The following PIP5K1B variants were observed in gnomAD, a reference collection of about 807,000 sequenced individuals.
PIP5K1B encodes phosphatidylinositol 4-phosphate 5-kinase type-1 beta.
Under a neutral mutation model 67.0 loss-of-function variants are expected in PIP5K1B, and 42 were observed. The observed-to-expected ratio is 0.63, with a 90% CI of 0.49 to 0.81. The LOEUF is 0.81. Ranked by LOEUF, PIP5K1B falls within the 30% of genes least tolerant of loss-of-function variation. The probability of loss-of-function intolerance (pLI) is 0.00; values close to 1 mark genes in which losing one functional copy is unlikely to be tolerated. For missense variants in PIP5K1B, 459 were observed against 646.3 expected (o/e 0.71, Z 3.14); for synonymous variants, 214 against 231.4 (o/e 0.92, Z 0.68).
At position 68,882,703 on chromosome 9, in the gene PIP5K1B, G is replaced by A. The variant is rs138062211; in HGVS notation, c.318+5909G>A. The stretch of plus-strand genomic sequence containing the variant: ...CACAACATAAACTCCTACCCATAAG[G>A]AAGTTCTGTGTCAGGAATTCAAATG... On this transcript the variant is annotated intron_variant, in intron 6 of 15. Transcript: ENST00000265382. Among the ~76,000 whole-genome samples, 425 of 152,210 alleles carry A rather than the reference G, an allele frequency of 2.8e-3. 1 individual carries two copies. The highest frequency in any genetic ancestry group is 9.3e-3 in the African/African-American group (388 of 41,524).
At position 68,923,154 on chromosome 9, in the gene PIP5K1B, C is replaced by T. The variant is rs115627457; in HGVS notation, c.1117-148C>T. 5.8e-4 allele frequency: 357 copies of T among 616,136 alleles called. 2 individuals are homozygous for T. In the African/African-American group the frequency reaches 5.8e-3, roughly 10 times the overall value. 38.2% of individuals were successfully genotyped at this position (616,136 alleles called of 1,614,324 possible). ...CTCAGCCCCAGACTCCTGGGCCCCA[C>T]GGGCTACAGGACATTCCTGTTTTCT... is the stretch of plus-strand genomic sequence containing the variant. On this transcript the variant is annotated intron_variant, in intron 11 of 15. Transcript: ENST00000265382.
chr9:68,848,423 C>G (rs7851905), intron 4 of PIP5K1B, among the ~76,000 whole-genome samples: 9,802 of 152,232 alleles, frequency 0.064, 650 homozygotes, highest in African/African-American at 0.17. Context: ...AGGTGTGTTT[C>G]TCAACCCCCA....
chr9:68,769,527 A>G (rs1830583928), intron 2 of PIP5K1B, among the ~76,000 whole-genome samples: 2 of 152,224 alleles, frequency 1.3e-5, no homozygotes, highest in Admixed American at 6.5e-5. Flanking sequence ...TGAAAGTATA[A>G]CTAGCTATTA....
intron 15 of PIP5K1B, among the ~76,000 whole-genome samples, chr9:69,002,230 C>T (rs1342536558): frequency 6.6e-6 from 1 of 152,238 alleles, no homozygotes; most frequent in African/African-American, 2.4e-5. Flanking sequence ...GGCGAAAGTC[C>T]TGCCTTCTGC....
chr9:68,915,189 T>G (rs1246024029), intron 8 of PIP5K1B, among the ~76,000 whole-genome samples: 1 of 151,992 alleles, frequency 6.6e-6, no homozygotes, highest in African/African-American at 2.4e-5. Flanking sequence ...GGTCACAGAG[T>G]CCATGCTCTT....
chr9:68,871,121 G>A (rs1823607557), intron 5 of PIP5K1B, among the ~76,000 whole-genome samples: 2 of 152,154 alleles, frequency 1.3e-5, no homozygotes, highest in South Asian at 4.1e-4. Flanking sequence ...ACATAGAGAG[G>A]AGAACACCAA....
chr9:68,887,290 A>G (rs1353904135), intron 6 of PIP5K1B, among the ~76,000 whole-genome samples: 2 of 152,222 alleles, frequency 1.3e-5, no homozygotes, highest in Non-Finnish European at 2.9e-5. Context: ...CAGATGCTCA[A>G]TAGTTATTTT....
intron 12 of PIP5K1B, among the ~76,000 whole-genome samples, chr9:68,929,413 T>G (rs111543385): frequency 6.6e-6 from 1 of 152,120 alleles, no homozygotes; most frequent in Non-Finnish European, 1.5e-5. Flanking sequence ...ATCTGCTCAT[T>G]CTCATATATC....
At chr9:68,879,176 G>C (rs1354448864) in intron 6 of PIP5K1B, among the ~76,000 whole-genome samples, 1 of 152,198 alleles carries the variant, frequency 6.6e-6, no homozygotes, top group Non-Finnish European at 1.5e-5. Flanking sequence ...GAGAATCCTT[G>C]TCTTTTAGAA....
Position 68,863,923 on chromosome 9 carries a change from T to A in PIP5K1B, c.156T>A (p.Val52=). Residue 52 remains valine (V), a synonymous_variant, in exon 5 of 16, where the codon GTT becomes GTA. Transcript: ENST00000265382. ...GNLTSKPERD[V]LMQDFYVVES... ...TCACTTCCAAGCCAGAACGAGATGT[T>A]CTTATGCAAGACTTTTATGTGGTGG... 6.2e-7 allele frequency: 1 copy of A among 1,613,982 alleles called. No individual in the cohort carries two copies. The highest frequency in any genetic ancestry group is 1.3e-5 in the African/African-American group (1 of 75,048).
intron 1 of PIP5K1B, among the ~76,000 whole-genome samples, chr9:68,717,440 C>T (rs1827687128): frequency 6.6e-6 from 1 of 152,076 alleles, no homozygotes; most frequent in African/African-American, 2.4e-5. Context: ...TTCAGGCTGT[C>T]ATAACAAAGT....
In PIP5K1B at chr9:68,894,505, C is replaced by T; in HGVS notation, c.638C>T (p.Ala213Val). Reference protein sequence around the residue: ...DLKGSTYKRRASRKEREKSNP... With the variant: ...DLKGSTYKRRVSRKEREKSNP... ...AAAGGCTCAACGTATAAGCGAAGAG[C>T]ATCCCGTAAAGAGAGAGAGAAATCC... is the stretch of plus-strand genomic sequence containing the variant. The change falls in exon 8 of 16, where the codon GCA becomes GTA. Residue 213 changes from alanine to valine, a missense_variant. Coordinates refer to ENST00000265382, the MANE Select transcript of PIP5K1B (RefSeq NM_003558.4). 1 of 1,614,104 alleles carries T rather than the reference C, an allele frequency of 6.2e-7. No individual in the cohort carries two copies. The highest frequency in any genetic ancestry group is 1.1e-5 in the South Asian group (1 of 91,086).
chr9:68,734,041 C>T (rs1266372811), intron 1 of PIP5K1B, among the ~76,000 whole-genome samples: 1 of 152,180 alleles, frequency 6.6e-6, no homozygotes, highest in Non-Finnish European at 1.5e-5. Flanking sequence ...AATTCTGGCT[C>T]TGCAACTTCC....
At chr9:68,713,059 G>A (rs774296124) in intron 1 of PIP5K1B, among the ~76,000 whole-genome samples, 13 of 152,208 alleles carry the variant, frequency 8.5e-5, no homozygotes, top group South Asian at 2.1e-4. Flanking sequence ...CTCTGAAAGT[G>A]CAGTCCTTAG....
rs777615037 is a variant in PIP5K1B at position 68,894,371 on chromosome 9, A to G, written c.504A>G (p.Pro168=). 1.2e-6 allele frequency: 2 copies of G among 1,607,646 alleles called. No individual in the cohort carries two copies. Among genetic ancestry groups the G allele is most frequent in the East Asian group, 2.2e-5 (1 of 44,818 alleles). Residue 168 remains proline, a synonymous_variant, in exon 8 of 16, where the codon CCA becomes CCG. Transcript: ENST00000265382. ...NLNQNPRTLL[P]KFYGLYCMQS... is the part of the protein sequence containing the mutation. ...ACCAGAATCCAAGGACTCTTTTGCC[A>G]AAATTTTACGGACTGTATTGTATGC...
chr9:68,726,253 C>T (rs1828144231), intron 1 of PIP5K1B, among the ~76,000 whole-genome samples: 1 of 152,096 alleles, frequency 6.6e-6, no homozygotes, highest in Non-Finnish European at 1.5e-5. Flanking sequence ...TAAATATATA[C>T]ACCTTCTATG....
chr9:68,984,358 C>T (rs1430461953), intron 14 of PIP5K1B, among the ~76,000 whole-genome samples: 1 of 152,164 alleles, frequency 6.6e-6, no homozygotes, highest in African/African-American at 2.4e-5. Flanking sequence ...AGTATCTAAT[C>T]TAAGATTTTT....
intron 8 of PIP5K1B, among the ~76,000 whole-genome samples, chr9:68,910,584 C>CT (rs1288542230): frequency 4.6e-5 from 7 of 152,168 alleles, no homozygotes; most frequent in Non-Finnish European, 8.8e-5. Context: ...GCAAAATGCA[C>CT]TAAGTCAAAC....
chr9:68,918,966 TAC>T (rs1206542083), intron 9 of PIP5K1B, among the ~76,000 whole-genome samples: 2 of 152,022 alleles, frequency 1.3e-5, no homozygotes, highest in Non-Finnish European at 2.9e-5. Flanking sequence ...AATAAATACA[TAC>T]ACACACACAC....
Sources: allele counts gnomAD v4.1 joint callset (sites outside exome capture counted in the v4.1 genomes callset), GRCh38; gene constraint gnomAD v4.1.1; transcripts MANE v1.5; gene names NCBI Gene and HGNC (gene_info 2026-07-23, HGNC 2026-07-21).